Variants in APBB2 observed in about 807,000 individuals in gnomAD.
APBB2 encodes amyloid beta precursor protein binding family B member 2.
APBB2 carries 38 observed loss-of-function variants against 82.5 expected under a neutral mutation model. The ratio of observed to expected loss-of-function variants is 0.46; its 90% CI spans 0.36 to 0.60. The LOEUF (loss-of-function observed/expected upper bound fraction) is 0.60, where lower values mean the gene tolerates loss of function less well. Among genes scored for constraint, APBB2 ranks in the 20% least tolerant of loss-of-function variants. APBB2 has a pLI of 0.00. For synonymous variants in APBB2, 341 were observed against 368.2 expected (o/e 0.93, Z 0.85); for missense variants, 772 against 972.3 (o/e 0.79, Z 2.74).
At chr4:40,889,110 G>A (rs1171408759) in intron 12 of APBB2, among the ~76,000 whole-genome samples, 4 of 152,250 alleles carry the variant, frequency 2.6e-5, no homozygotes, top group Non-Finnish European at 5.9e-5. Context: ...TGGCCCAGCT[G>A]TCATCATTCA....
chr4:41,121,321 A>G (rs564914090), intron 2 of APBB2, among the ~76,000 whole-genome samples: 5 of 152,378 alleles, frequency 3.3e-5, no homozygotes, highest in East Asian at 1.9e-4. Flanking sequence ...AGCTACCCAC[A>G]TGTTCCTTGT....
In APBB2 at chr4:40,871,793, T is replaced by G. The variant is rs1034767847; in HGVS notation, c.1529+18571A>C. 2.0e-5 allele frequency among the ~76,000 whole-genome samples: 3 copies of G among 152,202 alleles called. No individual in the cohort carries two copies. In the East Asian group the frequency reaches 5.8e-4, roughly 29 times the overall value. On this transcript the variant is annotated intron_variant, in intron 12 of 17. Transcript: ENST00000508593. ...CTCCCCTTCAGATAATCAAAAGTACTTTTAAGCATCTAATATAAGGATAAC... is the reference window on the plus strand; with the variant it reads ...CTCCCCTTCAGATAATCAAAAGTACGTTTAAGCATCTAATATAAGGATAAC...
chr4:41,027,364 C>CACACATATATATATAT (rs1231769191), intron 5 of APBB2, among the ~76,000 whole-genome samples: 1 of 127,416 alleles, frequency 7.8e-6, no homozygotes, highest in African/African-American at 2.9e-5. Flanking sequence ...CATATTGTTA[C>CACACATATATATATAT]ATATATATAT....
chr4:40,982,452 A>AGAAAGAAT (rs1560450212), intron 6 of APBB2, among the ~76,000 whole-genome samples: 2 of 87,838 alleles, frequency 2.3e-5, no homozygotes, highest in East Asian at 3.8e-4. Context: ...AAAGAAAGAA[A>AGAAAGAAT]GAATGAATGA....
At chr4:41,108,159 CAG>C (rs994425610) in intron 2 of APBB2, among the ~76,000 whole-genome samples, 13 of 151,944 alleles carry the variant, frequency 8.6e-5, no homozygotes, top group Admixed American at 4.6e-4. Flanking sequence ...CACAAAAAAA[CAG>C]AAGAGATGGA....
chr4:41,175,471 C>T (rs1272642945), intron 1 of APBB2, among the ~76,000 whole-genome samples: 1 of 151,970 alleles, frequency 6.6e-6, no homozygotes, highest in East Asian at 1.9e-4. Context: ...AGTAAAAGTA[C>T]AGGTCCACAA....
intron 7 of APBB2, among the ~76,000 whole-genome samples, chr4:40,938,824 G>A (rs757674498): frequency 1.5e-4 from 23 of 152,206 alleles, no homozygotes; most frequent in Middle Eastern, 3.2e-3. Flanking sequence ...CTAATACAAT[G>A]CAATGGTTTG....
At chr4:41,032,824 G>C (rs1486361740) in intron 5 of APBB2, among the ~76,000 whole-genome samples, 1 of 108,228 alleles carries the variant, frequency 9.2e-6, no homozygotes, top group Admixed American at 1.5e-4. Flanking sequence ...TCGCTCTGTC[G>C]CCCAGGCTGG....
chr4:41,018,017 TTTC>T (rs758352991), intron 5 of APBB2, among the ~76,000 whole-genome samples: 45 of 152,318 alleles, frequency 3.0e-4, no homozygotes, highest in South Asian at 1.0e-3. Context: ...TAAACTCCCA[TTTC>T]TTTGCTGTAA....
intron 15 of APBB2, 98 bp downstream of exon 15, chr4:40,825,789 G>T: frequency 1.2e-6 from 1 of 867,880 alleles, no homozygotes; most frequent in South Asian, 1.4e-5. Flanking sequence ...GACAAGGCGT[G>T]AGAGTAAACA....
chr4:41,058,217 A>C (rs1455323329), intron 4 of APBB2, among the ~76,000 whole-genome samples: 1 of 152,138 alleles, frequency 6.6e-6, no homozygotes, highest in Non-Finnish European at 1.5e-5. Context: ...CCAAACAAAA[A>C]GGACACTCTT....
intron 12 of APBB2, among the ~76,000 whole-genome samples, chr4:40,888,517 C>A: frequency 6.6e-6 from 1 of 151,898 alleles, no homozygotes; most frequent in Non-Finnish European, 1.5e-5. Context: ...CTGCCTCGCA[C>A]AAGTATGTAA....
rs991725235 is a variant in APBB2 at position 41,122,973 on chromosome 4, C to T, written c.-261+20014G>A. Among the ~76,000 whole-genome samples, 3 of 152,276 alleles carry T rather than the reference C, an allele frequency of 2.0e-5. No individual in the cohort carries two copies. In the South Asian group the frequency reaches 6.2e-4, roughly 32 times the overall value. On this transcript the variant is annotated intron_variant, in intron 2 of 17. Transcript: ENST00000508593. ...CACTGGCTCCACCTGGGGGCCTATG[C>T]CCCTGCAGTTCCCTCCACCTGGAAT...
chr4:41,117,917 G>C (rs1393606702), intron 2 of APBB2, among the ~76,000 whole-genome samples: 1 of 152,166 alleles, frequency 6.6e-6, no homozygotes, highest in East Asian at 1.9e-4. Context: ...TCAAAACTAA[G>C]GAAATCTAGC....
At chr4:41,083,870 A>C (rs1452253919) in intron 3 of APBB2, among the ~76,000 whole-genome samples, 1 of 152,076 alleles carries the variant, frequency 6.6e-6, no homozygotes, top group East Asian at 1.9e-4. Context: ...ACTAAGAATA[A>C]AAATAAAAGT....
intron 10 of APBB2, among the ~76,000 whole-genome samples, chr4:40,902,532 TTTTG>T (rs1262145800): frequency 1.3e-5 from 2 of 152,014 alleles, no homozygotes; most frequent in Non-Finnish European, 2.9e-5. Context: ...GGTTTTTTGT[TTTTG>T]TTTTTGTATT....
intron 4 of APBB2, among the ~76,000 whole-genome samples, chr4:41,040,833 C>T (rs1721069631): frequency 6.6e-6 from 1 of 152,148 alleles, no homozygotes; most frequent in Non-Finnish European, 1.5e-5. Context: ...TTGCTTGCAG[C>T]TGAGAAAAGC....
At chr4:41,028,789 T>G (rs1715520457) in intron 5 of APBB2, among the ~76,000 whole-genome samples, 1 of 152,150 alleles carries the variant, frequency 6.6e-6, no homozygotes, top group Non-Finnish European at 1.5e-5. Context: ...TTGCCCAGCT[T>G]CTCTCGATCC....
chr4:41,057,845 C>G lies in APBB2; in HGVS notation c.-51+7731G>C, dbSNP rs567128731. On this transcript the variant is annotated intron_variant, in intron 4 of 17. Coordinates refer to ENST00000508593, the MANE Select transcript of APBB2 (RefSeq NM_004307.2). ...AAGATAGGTCTTAAGCTTCCCAAGT[C>G]TGGCTGGGGCATTTCCTCCCCGCTC... Among the ~76,000 whole-genome samples the G allele has an allele frequency of 2.0e-5, 3 of 152,320 alleles. No individual in the cohort carries two copies. In the South Asian group the frequency reaches 6.2e-4, roughly 32 times the overall value.
Sources: gnomAD v4.1 joint callset for allele counts (sites outside exome capture counted in the v4.1 genomes callset) on GRCh38, gnomAD v4.1.1 for gene constraint, MANE v1.5 for transcripts, NCBI Gene and HGNC (gene_info 2026-07-23, HGNC 2026-07-21) for gene names.